C15orf40: variants seen among roughly 807,000 people sequenced by gnomAD.
C15orf40 encodes the protein UPF0235 protein C15orf40.
Under a neutral mutation model 13.9 loss-of-function variants are expected in C15orf40, and 9 were observed. That is an observed-to-expected ratio of 0.65 (90% confidence interval 0.39 to 1.13). The LOEUF is 1.13. C15orf40 is among the 50% of genes most tolerant of loss of function. The probability of loss-of-function intolerance (pLI) is 0.01; values close to 1 mark genes in which losing one functional copy is unlikely to be tolerated. For missense variants in C15orf40, 225 were observed against 188.5 expected (o/e 1.19, Z -1.13); for synonymous variants, 95 against 69.2 (o/e 1.37, Z -1.85).
In C15orf40 at chr15:82,997,119, T is replaced by TA. The variant is rs1170586797; in HGVS notation, c.*8477dup. On this transcript the variant is annotated 3_prime_UTR_variant, in exon 4 of 4. Coordinates refer to ENST00000304177, the MANE Select transcript of C15orf40 (RefSeq NM_144597.3). ...ATTCACTGTTCTCTATCTTGCCTTC[T>TA]AAATTTCATACCGTTTTCAGCCTCT... is the stretch of plus-strand genomic sequence containing the variant. 6.7e-6 allele frequency: 1 copy of TA among 150,370 alleles called. No individual in the cohort carries two copies. The highest frequency in any genetic ancestry group is 1.5e-5 in the Non-Finnish European group (1 of 67,646). The allele number at this position is 150,370 out of a possible 1,614,324, so 9.3% of individuals were successfully genotyped here. A position where few individuals can be genotyped will look rare whatever the true frequency, so the allele number is the denominator to read the frequency against.
chr15:82,991,998 T>C (rs2030882530), downstream of C15orf40: 1 of 1,069,206 alleles, frequency 9.4e-7, no homozygotes, highest in Non-Finnish European at 1.3e-6. Flanking sequence ...GGAAGATCAC[T>C]TGAAGCCAGG....
At chr15:83,006,766 C>T (rs2031708504) in intron 3 of C15orf40, among the ~76,000 whole-genome samples, 2 of 152,016 alleles carry the variant, frequency 1.3e-5, no homozygotes, top group Non-Finnish European at 1.5e-5. Flanking sequence ...AAACACCGTC[C>T]CAAAAGAAAA....
chr15:83,008,734 G>T, intron 2 of C15orf40, 59 bp from the exon 3 acceptor site: 1 of 1,514,364 alleles, frequency 6.6e-7, no homozygotes, highest in African/African-American at 1.4e-5. Flanking sequence ...CATGAAGCAA[G>T]GACATTTTGT....
chr15:83,006,896 G>C (rs1341618694), intron 3 of C15orf40, among the ~76,000 whole-genome samples: 1 of 152,236 alleles, frequency 6.6e-6, no homozygotes, highest in South Asian at 2.1e-4. Context: ...GCAAACGTCA[G>C]CGCATGAGCA....
In C15orf40 at chr15:83,008,583, G is replaced by A; in HGVS notation, c.331C>T (p.Leu111=). The A allele has an allele frequency of 1.2e-6, 2 of 1,613,868 alleles. No homozygotes were observed. Among genetic ancestry groups the A allele is most frequent in the Non-Finnish European group, 1.7e-6 (2 of 1,179,970 alleles). The change falls in exon 3 of 4, where the codon CTA becomes TTA. Residue 111 remains leucine, a synonymous_variant. Coordinates refer to ENST00000304177, the MANE Select transcript of C15orf40 (RefSeq NM_144597.3). ...AELCRYLSKV[L]ELRKSDVVLD... is the part of the protein sequence containing the mutation. The stretch of plus-strand genomic sequence containing the variant: ...ACCACATCACTCTTCCTGAGTTCTA[G>A]GACCTTGGAAAGATACCGACAGAGC...
At chr15:83,006,624 C>G in intron 3 of C15orf40, 1 of 203,060 alleles carries the variant, frequency 4.9e-6, no homozygotes, top group Non-Finnish European at 8.7e-6. Context: ...TGTTGGCGCG[C>G]GCCTCCAATC....
At chr15:83,010,403 T>C in intron 1 of C15orf40, 40 bp from the exon 2 acceptor site, 1 of 1,610,904 alleles carries the variant, frequency 6.2e-7, no homozygotes, top group Non-Finnish European at 8.5e-7. Flanking sequence ...TTACAAAATA[T>C]TTTCCCACAC....
intron 2 of C15orf40, among the ~76,000 whole-genome samples, chr15:83,009,773 A>C (rs1348711847): frequency 6.6e-6 from 1 of 152,180 alleles, no homozygotes; most frequent in Non-Finnish European, 1.5e-5. Flanking sequence ...CAGATGAAAA[A>C]ACTGGACCCA....
rs1676781686 is a variant in C15orf40 at position 83,001,164 on chromosome 15, C to T, written c.*4433G>A. The T allele has an allele frequency of 1.0e-6, 1 of 985,480 alleles. No individual in the cohort carries two copies. The highest frequency in any genetic ancestry group is 1.2e-6 in the Non-Finnish European group (1 of 829,968). The allele number at this position is 985,480 out of a possible 1,614,324, so 61.0% of individuals were successfully genotyped here. A position where few individuals can be genotyped will look rare whatever the true frequency, so the allele number is the denominator to read the frequency against. On this transcript the variant is annotated 3_prime_UTR_variant, in exon 4 of 4. Coordinates refer to ENST00000304177, the MANE Select transcript of C15orf40 (RefSeq NM_144597.3). Reference sequence around the variant, plus strand: ...TCATCCTCTGGTTATTGCTGTCCCTCCCCTAACCGAGAGGAAAGTGTGGAA... The same window carrying T: ...TCATCCTCTGGTTATTGCTGTCCCTTCCCTAACCGAGAGGAAAGTGTGGAA...
chr15:83,011,337 C>A, intron 1 of C15orf40, 160 bp downstream of exon 1: 1 of 753,478 alleles, frequency 1.3e-6, no homozygotes, highest in South Asian at 2.4e-5. Flanking sequence ...GGCAGCAGGC[C>A]GCAGCTCTGG....
In C15orf40 at chr15:83,005,608, T is replaced by G. The variant is rs1336902325; in HGVS notation, c.451A>C (p.Lys151Gln). 6.2e-7 allele frequency: 1 copy of G among 1,610,728 alleles called. No individual in the cohort carries two copies. The highest frequency in any genetic ancestry group is 8.5e-7 in the Non-Finnish European group (1 of 1,178,678). The change falls in exon 4 of 4, where the codon AAA (lysine) becomes CAA (glutamine). Residue 151 changes from lysine (K) to glutamine (Q), a missense_variant. Physicochemically the swap from Lys to Gln is moderately conservative, Grantham distance 53 (BLOSUM62 1). Coordinates refer to ENST00000304177, the MANE Select transcript of C15orf40 (RefSeq NM_144597.3). ...CTCATTTCTTGCTTTTATGTTTTTT[T>G]GGCTTCCTTTTTTAATTTCTCCAAG... ...EILEKLKKEAKKT is the reference protein window; with the variant it reads ...EILEKLKKEAQKT
At chr15:83,010,588 A>T in intron 1 of C15orf40, 1 of 481,548 alleles carries the variant, frequency 2.1e-6, no homozygotes, top group South Asian at 2.9e-5. Context: ...CCCCCCTTGC[A>T]AGAAAACCTA....
At chr15:83,009,116 G>A (rs997775540) in intron 2 of C15orf40, among the ~76,000 whole-genome samples, 2 of 151,930 alleles carry the variant, frequency 1.3e-5, no homozygotes, top group African/African-American at 2.4e-5. Context: ...TGAGAGCCCC[G>A]GACTAGGTTC....
Position 83,005,370 on chromosome 15 carries a change from C to T in C15orf40, c.*227G>A, listed in dbSNP as rs1238595648. On this transcript the variant is annotated 3_prime_UTR_variant, in exon 4 of 4. Transcript: ENST00000304177. ...CGCGATCTCGGCTTACTGCAACCTC[C>T]GCCCCCCAGGTTCAAGTGATTCTCC... The T allele has an allele frequency of 1.1e-5, 8 of 721,072 alleles. No individual in the cohort carries two copies. The highest frequency in any genetic ancestry group is 3.8e-5 in the African/African-American group (2 of 52,090). 44.7% of individuals were successfully genotyped at this position (721,072 alleles called of 1,614,324 possible). A position where few individuals can be genotyped will look rare whatever the true frequency, so the allele number is the denominator to read the frequency against.
downstream of C15orf40, among the ~76,000 whole-genome samples, chr15:82,992,560 A>G (rs932316816): frequency 6.6e-6 from 1 of 151,432 alleles, no homozygotes; most frequent in East Asian, 1.9e-4. Flanking sequence ...GAGAAAGCAC[A>G]GGCACTGACC....
downstream of C15orf40, chr15:82,989,903 A>G (rs1187380245): frequency 6.2e-7 from 1 of 1,612,338 alleles, no homozygotes; most frequent in African/African-American, 1.3e-5. Flanking sequence ...CAGACAGTTC[A>G]GAGGCAGGGA....
rs752085603 is a variant in C15orf40, at chr15:83,011,608, C to T, written c.-1G>A. 3 of 1,576,312 alleles carry T rather than the reference C, an allele frequency of 1.9e-6. No homozygotes were observed. Among genetic ancestry groups the T allele is most frequent in the Non-Finnish European group, 2.6e-6 (3 of 1,165,220 alleles). On this transcript the variant is annotated 5_prime_UTR_variant, in exon 1 of 4. Coordinates refer to ENST00000304177, the MANE Select transcript of C15orf40 (RefSeq NM_144597.3). ...TCAGCCCGCTGCGGAGCCGCAGCAT[C>T]CCCGCCTGGGAAGGCGCCGGAAGAG...
At chr15:82,992,215 TTAAAAG>T (rs2030891458), downstream of C15orf40, among the ~76,000 whole-genome samples, 2 of 152,036 alleles carry the variant, frequency 1.3e-5, no homozygotes, top group East Asian at 3.9e-4. Flanking sequence ...ATGCTGTCTC[TTAAAAG>T]TAATGATTTA....
At position 83,011,611 on chromosome 15, in the gene C15orf40, C is replaced by T. The variant is rs761845161; in HGVS notation, c.-4G>A. 1 of 1,572,832 alleles carries T rather than the reference C, an allele frequency of 6.4e-7. No individual in the cohort carries two copies. The highest frequency in any genetic ancestry group is 8.6e-7 in the Non-Finnish European group (1 of 1,163,648). ...GCCCGCTGCGGAGCCGCAGCATCCC[C>T]GCCTGGGAAGGCGCCGGAAGAGCCC... is the stretch of plus-strand genomic sequence containing the variant. On this transcript the variant is annotated 5_prime_UTR_variant, in exon 1 of 4. Transcript: ENST00000304177.
Sources: allele counts gnomAD v4.1 joint callset (sites outside exome capture counted in the v4.1 genomes callset), GRCh38; gene constraint gnomAD v4.1.1; transcripts MANE v1.5; gene names NCBI Gene and HGNC (gene_info 2026-07-23, HGNC 2026-07-21).